The following RYR2 variants were observed in gnomAD, a reference collection of about 807,000 sequenced individuals.
The protein encoded by RYR2 is ryanodine receptor 2, also known as cardiac muscle ryanodine receptor-calcium release channel.
Under a neutral mutation model 601.1 loss-of-function variants are expected in RYR2, and 227 were observed. The ratio of observed to expected loss-of-function variants is 0.38; its 90% confidence interval spans 0.34 to 0.42. RYR2 has a LOEUF of 0.42. RYR2 is among the 10% of genes least tolerant of loss of function. The pLI is 1.00. For missense variants in RYR2, 4,646 were observed against 6,156.5 expected, an observed-to-expected ratio of 0.75 and a Z score of 8.21; for synonymous variants, 2,223 against 2,175.1, an observed-to-expected ratio of 1.02 and a Z score of -0.61.
intron 2 of RYR2, among the ~76,000 whole-genome samples, chr1:237,274,471 T>C (rs1208136059): frequency 1.3e-5 from 2 of 152,102 alleles, no homozygotes; most frequent in African/African-American, 4.8e-5. Context: ...GAAAATATTT[T>C]CATACAGCTG....
chr1:237,451,247 AC>A (rs1658070311), intron 14 of RYR2, among the ~76,000 whole-genome samples: 1 of 152,116 alleles, frequency 6.6e-6, no homozygotes, highest in South Asian at 2.1e-4. Context: ...ACAGAATGCT[AC>A]GCAACCAGTA....
Position 237,767,835 on chromosome 1 carries a change from T to C in RYR2, c.11477-2972T>C, listed in dbSNP as rs139628591. Among the ~76,000 whole-genome samples, 667 of 152,284 alleles carry C rather than the reference T, an allele frequency of 4.4e-3. 4 individuals carry two copies. Among genetic ancestry groups the C allele is most frequent in the Middle Eastern group, 0.017 (5 of 294 alleles). ...TTTTGGCAAGATGCAGAATCGATCT[T>C]AAGGTCCCCTCAAGATCCACAATCA... is the stretch of plus-strand genomic sequence containing the variant. On this transcript the variant is annotated intron_variant, in intron 84 of 104. Transcript: ENST00000366574.
Position 237,538,633 on chromosome 1 carries a change from G to A in RYR2, c.2906+8123G>A, listed in dbSNP as rs552047398. Reference sequence around the variant, plus strand: ...CTAAAAATACAAAAATTAGCTGGGCGTGGTGGCACAACCTGTAATCCCGGC... The same window carrying A: ...CTAAAAATACAAAAATTAGCTGGGCATGGTGGCACAACCTGTAATCCCGGC... On this transcript the variant is annotated intron_variant, in intron 25 of 104. Coordinates refer to ENST00000366574, the MANE Select transcript of RYR2 (RefSeq NM_001035.3). 3.1e-4 allele frequency among the ~76,000 whole-genome samples: 47 copies of A among 151,536 alleles called. 1 individual carries two copies. The South Asian group carries it at 9.2e-3, about 30-fold the overall frequency.
intron 24 of RYR2, among the ~76,000 whole-genome samples, chr1:237,520,983 G>C (rs1341676629): frequency 6.6e-6 from 1 of 152,130 alleles, no homozygotes; most frequent in Admixed American, 6.5e-5. Context: ...TTTGCCATAA[G>C]CCGGGATTGT....
chr1:237,554,200 T>A (rs1378732850), intron 27 of RYR2, among the ~76,000 whole-genome samples: 2 of 151,914 alleles, frequency 1.3e-5, no homozygotes, highest in African/African-American at 4.8e-5. Context: ...GATTTTATCA[T>A]AAATAGGGTC....
chr1:237,575,336 A>G (rs1427792754), intron 29 of RYR2, among the ~76,000 whole-genome samples: 4 of 152,176 alleles, frequency 2.6e-5, no homozygotes, highest in East Asian at 3.9e-4. Flanking sequence ...TGACACATCT[A>G]TGGTCTACTG....
chr1:237,362,850 A>G (rs1042985361), intron 4 of RYR2, among the ~76,000 whole-genome samples: 54 of 152,190 alleles, frequency 3.5e-4, no homozygotes, highest in African/African-American at 1.2e-3. Flanking sequence ...AGCATTTGCT[A>G]TTTTTCAGTA....
chr1:237,716,521 T>C (rs1689279487), intron 71 of RYR2, among the ~76,000 whole-genome samples: 1 of 152,134 alleles, frequency 6.6e-6, no homozygotes. Context: ...ATTCTGTCGT[T>C]TAAGGTGACC....
rs190904947 is a variant in RYR2 at position 237,125,304 on chromosome 1, C to T, written c.48+82735C>T. On this transcript the variant is annotated intron_variant, in intron 1 of 104. Transcript: ENST00000366574. ...GTTTATAGGGAGTCCTTTGGCAGTTCTGATTTTGTTAGGGATTCAGATCTG... is the reference window on the plus strand; with the variant it reads ...GTTTATAGGGAGTCCTTTGGCAGTTTTGATTTTGTTAGGGATTCAGATCTG... Among the ~76,000 whole-genome samples the T allele has an allele frequency of 2.4e-3, 363 of 151,716 alleles. 4 individuals carry two copies. The highest frequency in any genetic ancestry group is 3.9e-3 in the Non-Finnish European group (264 of 67,972).
Position 237,423,358 on chromosome 1 carries a change from T to C in RYR2, c.1005+110T>C, listed in dbSNP as rs1004340560. The C allele has an allele frequency of 1.3e-4, 167 of 1,261,022 alleles. 1 individual carries two copies. In the Admixed American group the frequency reaches 2.4e-3, roughly 18 times the overall value. 78.1% of individuals were successfully genotyped at this position (1,261,022 alleles called of 1,614,324 possible). A position where few individuals can be genotyped will look rare whatever the true frequency, so the allele number is the denominator to read the frequency against. ...AAATAAATGATGTAAGTATGTCTTA[T>C]GTGTATTTCTAAATTCCCAGTTTCT... is the stretch of plus-strand genomic sequence containing the variant. On this transcript the variant is annotated intron_variant, in intron 12 of 104. Coordinates refer to ENST00000366574, the MANE Select transcript of RYR2 (RefSeq NM_001035.3).
chr1:237,753,704 G>T (rs61830286), intron 80 of RYR2, among the ~76,000 whole-genome samples: 3,966 of 152,214 alleles, frequency 0.026, 83 homozygotes, highest in East Asian at 0.05. Flanking sequence ...TAAACTGCAG[G>T]TGGTGTTTAT....
chr1:237,656,934 AAGT>A (rs2148826889), intron 53 of RYR2, among the ~76,000 whole-genome samples: 1 of 152,356 alleles, frequency 6.6e-6, no homozygotes, highest in African/African-American at 2.4e-5. Context: ...CTTCCGAAGT[AAGT>A]AAACCAAACT....
intron 38 of RYR2, among the ~76,000 whole-genome samples, chr1:237,619,119 G>T (rs1678803250): frequency 6.6e-6 from 1 of 152,094 alleles, no homozygotes; most frequent in Non-Finnish European, 1.5e-5. Flanking sequence ...AGAGCTCCTA[G>T]CATAATCCTC....
At chr1:237,331,386 T>C (rs868565506) in intron 3 of RYR2, among the ~76,000 whole-genome samples, 4 of 152,252 alleles carry the variant, frequency 2.6e-5, no homozygotes, top group African/African-American at 9.6e-5. Flanking sequence ...AGCTTTTTCA[T>C]GGAAAGTAAA....
intron 13 of RYR2, among the ~76,000 whole-genome samples, chr1:237,443,083 C>G (rs1370361288): frequency 6.6e-6 from 1 of 152,122 alleles, no homozygotes; most frequent in African/African-American, 2.4e-5. Flanking sequence ...ACAGTGTTCT[C>G]CCTGACCTTT....
At chr1:237,403,154 G>T (rs1045515440) in intron 10 of RYR2, among the ~76,000 whole-genome samples, 1 of 152,040 alleles carries the variant, frequency 6.6e-6, no homozygotes, top group Non-Finnish European at 1.5e-5. Flanking sequence ...CTCCAAAATT[G>T]ACTAACTATA....
intron 63 of RYR2, among the ~76,000 whole-genome samples, chr1:237,698,479 T>A (rs1687688885): frequency 6.6e-6 from 1 of 152,136 alleles, no homozygotes; most frequent in Non-Finnish European, 1.5e-5. Flanking sequence ...TTAATTTACC[T>A]TCATGCAATG....
chr1:237,108,278 G>A (rs1668980792), intron 1 of RYR2, among the ~76,000 whole-genome samples: 1 of 152,156 alleles, frequency 6.6e-6, no homozygotes, highest in Non-Finnish European at 1.5e-5. Context: ...GGGATCGGAG[G>A]GGCCCAGTAT....
chr1:237,177,791 G>C (rs1478624805), intron 1 of RYR2, among the ~76,000 whole-genome samples: 1 of 151,800 alleles, frequency 6.6e-6, no homozygotes, highest in African/African-American at 2.4e-5. Context: ...ATTTCTTTAG[G>C]GTTTATACCT....
Sources: allele counts gnomAD v4.1 joint callset (sites outside exome capture counted in the v4.1 genomes callset), GRCh38; gene constraint gnomAD v4.1.1; transcripts MANE v1.5; gene names NCBI Gene and HGNC (gene_info 2026-07-23, HGNC 2026-07-21).